SBNO2: variants seen among roughly 807,000 people sequenced by gnomAD.
SBNO2 encodes protein strawberry notch homolog 2.
SBNO2 carries 89 observed loss-of-function variants against 146.3 expected under a neutral mutation model. The observed-to-expected ratio is 0.61, with a 90% confidence interval of 0.51 to 0.73. The LOEUF is 0.73. SBNO2 is among the 30% of genes least tolerant of loss of function. The pLI is 0.00. For synonymous variants in SBNO2, 1,147 were observed against 892.6 expected (o/e 1.29, Z -5.08); for missense variants, 2,092 against 2,003.7 (o/e 1.04, Z -0.84).
rs752502525 is a variant in SBNO2 at position 1,113,660 on chromosome 19, G to C, written c.2122C>G (p.Leu708Val). 6.3e-7 allele frequency: 1 copy of C among 1,596,998 alleles called. No homozygotes were observed. The highest frequency in any genetic ancestry group is 1.7e-5 in the Admixed American group (1 of 58,550). Reference protein sequence around the residue: ...LQRDPHGPGVLERVERLKQDL... With the variant: ...LQRDPHGPGVVERVERLKQDL... ...TGCTTCAGCCGCTCCACCCGCTCCAGGACCCCGGGGCCATGCGGGTCTCTC... is the reference window on the plus strand; with the variant it reads ...TGCTTCAGCCGCTCCACCCGCTCCACGACCCCGGGGCCATGCGGGTCTCTC... The change falls in exon 19 of 32, where the codon CTG (leucine) becomes GTG (valine). Residue 708 changes from leucine (L) to valine (V), a missense_variant. Transcript: ENST00000361757.
chr19:1,117,099 GCTGC>G (rs2079841897), intron 15 of SBNO2, among the ~76,000 whole-genome samples, 173 bp from the exon 16 acceptor site: 1 of 152,158 alleles, frequency 6.6e-6, no homozygotes, highest in Non-Finnish European at 1.5e-5. Context: ...GGGTCTGCCG[GCTGC>G]CTGTCTCGGG....
Position 1,122,757 on chromosome 19 carries a change from G to A in SBNO2, c.815C>T (p.Ala272Val), listed in dbSNP as rs1221057945. 3.9e-6 allele frequency: 6 copies of A among 1,537,592 alleles called. No homozygotes were observed. The highest frequency in any genetic ancestry group is 2.4e-5 in the East Asian group (1 of 40,956). Residue 272 changes from alanine (A) to valine (V), a missense_variant, in exon 9 of 32, where the codon GCG (alanine) becomes GTG (valine). Physicochemically the swap from Ala to Val is moderately conservative, Grantham distance 64. Coordinates refer to ENST00000361757, the MANE Select transcript of SBNO2 (RefSeq NM_014963.3). ...GGCCCCATCGCCGATGAGAAAGCCC[G>A]CGCGCTGCCCGCTGGGGAGCAGGAC... ...HEVLLPSGQR[A>V]GFLIGDGAGV... is the part of the protein sequence containing the mutation.
chr19:1,160,414 T>C (rs967569146), intron 1 of SBNO2, among the ~76,000 whole-genome samples: 7 of 152,130 alleles, frequency 4.6e-5, no homozygotes, highest in Admixed American at 1.3e-4. Flanking sequence ...AGTATTACAA[T>C]GGCGGCCGCC....
chr19:1,118,775 G>A (rs3826957), intron 14 of SBNO2, among the ~76,000 whole-genome samples: 1 of 151,776 alleles, frequency 6.6e-6, no homozygotes, highest in Admixed American at 6.6e-5. Context: ...GAGAGGCTGA[G>A]GGGGGAGAAT....
At chr19:1,166,647 A>ACACACACG (rs1423127354) in intron 1 of SBNO2, among the ~76,000 whole-genome samples, 30 of 135,332 alleles carry the variant, frequency 2.2e-4, no homozygotes, top group African/African-American at 8.3e-4. Flanking sequence ...ACACACACAC[A>ACACACACG]CACGCTAAAA....
Position 1,110,765 on chromosome 19 carries a change from T to C in SBNO2, c.3008A>G (p.Lys1003Arg), listed in dbSNP as rs776985362. Residue 1003 changes from lysine to arginine, a missense_variant, in exon 26 of 32, where the codon AAA (lysine) becomes AGA (arginine). Lys to Arg is a conservative substitution (Grantham distance 26, BLOSUM62 2). Coordinates refer to ENST00000361757, the MANE Select transcript of SBNO2 (RefSeq NM_014963.3). This position sits in a 1 kb window ranked among gnomAD's most constrained non-coding sequence, Gnocchi z 4.9. ...CTCACCCAGGATGCCCATGTCGTAT[T>C]TGCCCTCCCGCTTGTCCATCTCGAT... is the stretch of plus-strand genomic sequence containing the variant. ...HLIEMDKREG[K>R]YDMGILDLAP... 22 of 1,613,494 alleles carry C rather than the reference T, an allele frequency of 1.4e-5. No homozygotes were observed. The highest frequency in any genetic ancestry group is 1.9e-5 in the Non-Finnish European group (22 of 1,179,740).
At chr19:1,134,088 C>T (rs1458799854) in intron 4 of SBNO2, among the ~76,000 whole-genome samples, 1 of 151,632 alleles carries the variant, frequency 6.6e-6, no homozygotes, top group African/African-American at 2.4e-5. Flanking sequence ...ACCCACAGCT[C>T]ATAGGCGCCT....
At chr19:1,154,101 G>T (rs1213892537) in intron 2 of SBNO2, 83 bp downstream of exon 2, 4 of 641,724 alleles carry the variant, frequency 6.2e-6, no homozygotes, top group Non-Finnish European at 8.9e-6. Flanking sequence ...GCAGCATTCC[G>T]CACGACGTGA....
rs371369829 is a variant in SBNO2, at chr19:1,112,349, G to A, written c.2516-48C>T. The A allele has an allele frequency of 3.8e-6, 6 of 1,568,436 alleles. No homozygotes were observed. Among genetic ancestry groups the A allele is most frequent in the Middle Eastern group, 1.8e-4 (1 of 5,636 alleles). ...GGCCCGGCCAGGCGGGGGCGGGGCC[G>A]AGACCATGTTGGGGGCGGGGCCAGG... On this transcript the variant is annotated intron_variant, in intron 21 of 31. Transcript: ENST00000361757. The surrounding 1 kb of genome is among the most constrained non-coding windows in gnomAD (Gnocchi z 5.9).
chr19:1,123,154 G>C (rs1315166678), intron 7 of SBNO2, 109 bp from the exon 8 acceptor site: 7 of 1,272,836 alleles, frequency 5.5e-6, no homozygotes, highest in Non-Finnish European at 7.6e-6. Flanking sequence ...TGGCGGGGCA[G>C]TTTGGGGGCG....
chr19:1,132,769 G>A (rs1254271179), intron 4 of SBNO2, among the ~76,000 whole-genome samples: 1 of 152,148 alleles, frequency 6.6e-6, no homozygotes, highest in Non-Finnish European at 1.5e-5. Context: ...TCCGTGCCCA[G>A]GGGGTTCAGC....
At position 1,173,483 on chromosome 19, in the gene SBNO2, G is replaced by A. The variant is rs2080500664; in HGVS notation, c.-127+689C>T. Among the ~76,000 whole-genome samples the A allele has an allele frequency of 6.6e-6, 1 of 152,188 alleles. No individual in the cohort carries two copies. The highest frequency in any genetic ancestry group is 1.5e-5 in the Non-Finnish European group (1 of 68,024). ...AACCATCTGCCCCAGAAGAGAAGTC[G>A]GAGGCCCCAGGAGCGGGAGGGGCGG... On this transcript the variant is annotated intron_variant, in intron 1 of 31. Transcript: ENST00000361757. This position sits in a 1 kb window ranked among gnomAD's most constrained non-coding sequence, Gnocchi z 4.7.
Position 1,112,629 on chromosome 19 carries a change from T to A in SBNO2, c.2380-92A>T. 1 of 1,468,792 alleles carries A rather than the reference T, an allele frequency of 6.8e-7. No homozygotes were observed. Among genetic ancestry groups the A allele is most frequent in the Non-Finnish European group, 9.0e-7 (1 of 1,111,794 alleles). The allele number at this position is 1,468,792 out of a possible 1,614,324, so 91.0% of individuals were successfully genotyped here. On this transcript the variant is annotated intron_variant, in intron 20 of 31. Transcript: ENST00000361757. The surrounding 1 kb of genome is among the most constrained non-coding windows in gnomAD (Gnocchi z 5.9). The stretch of plus-strand genomic sequence containing the variant: ...TCACCCACTAGGCCCCCGCTCCAGG[T>A]CACCAGGACGTCCCGGGGCAGCGAG...
At chr19:1,128,124 G>C in intron 4 of SBNO2, 1 of 499,022 alleles carries the variant, frequency 2.0e-6, no homozygotes, top group Non-Finnish European at 3.9e-6. Flanking sequence ...GAGCGAGAGA[G>C]TGAGACTCCG....
chr19:1,109,876 C>A lies in SBNO2; in HGVS notation c.3029-99G>T. Reference sequence around the variant, plus strand: ...CCGGGGCGCACCCTAGAGACGACCCCCCGAGAGCACAGGAGAGGGTGTCCT... The same window carrying A: ...CCGGGGCGCACCCTAGAGACGACCCACCGAGAGCACAGGAGAGGGTGTCCT... On this transcript the variant is annotated intron_variant, in intron 26 of 31. Transcript: ENST00000361757. The surrounding 1 kb of genome is among the most constrained non-coding windows in gnomAD (Gnocchi z 4.2). The A allele has an allele frequency of 4.9e-5, 40 of 810,950 alleles. No individual in the cohort carries two copies. The highest frequency in any genetic ancestry group is 5.9e-5 in the Non-Finnish European group (31 of 523,098). 50.2% of individuals were successfully genotyped at this position (810,950 alleles called of 1,614,324 possible).
intron 1 of SBNO2, among the ~76,000 whole-genome samples, chr19:1,164,936 GAGGAGGAGGAGGAGGAAC>G (rs1273407934): frequency 1.8e-3 from 225 of 122,556 alleles, no homozygotes; most frequent in African/African-American, 4.2e-3. Context: ...GGAGGCACAG[GAGGAGGAGGAGGAGGAAC>G]AGGAGGAGGA....
intron 5 of SBNO2, among the ~76,000 whole-genome samples, chr19:1,127,345 C>T (rs551997418): frequency 6.6e-6 from 1 of 152,164 alleles, no homozygotes; most frequent in African/African-American, 2.4e-5. Context: ...GCATCCTGGC[C>T]CCCCCCAACT....
intron 4 of SBNO2, among the ~76,000 whole-genome samples, chr19:1,129,881 C>G (rs2080009050): frequency 6.6e-6 from 1 of 152,168 alleles, no homozygotes; most frequent in African/African-American, 2.4e-5. Context: ...AGGGAAGGGA[C>G]CTCAGGCAGA....
intron 5 of SBNO2, among the ~76,000 whole-genome samples, chr19:1,124,578 C>A (rs1165372216): frequency 6.6e-6 from 1 of 152,214 alleles, no homozygotes; most frequent in Non-Finnish European, 1.5e-5. Flanking sequence ...GGCAGCCCTG[C>A]ACTCTCCAAG....
Sources: allele counts gnomAD v4.1 joint callset (sites outside exome capture counted in the v4.1 genomes callset), GRCh38; gene constraint gnomAD v4.1.1; non-coding constraint Gnocchi (gnomAD v3.1); transcripts MANE v1.5; gene names NCBI Gene and HGNC (gene_info 2026-07-23, HGNC 2026-07-21).